CPS1: variants seen among roughly 807,000 people sequenced by gnomAD.
CPS1 encodes carbamoyl-phosphate synthase 1.
In CPS1, 109 loss-of-function variants were observed where a neutral mutation model predicts 174.6. The observed-to-expected ratio is 0.62, with a 90% confidence interval of 0.53 to 0.73. The LOEUF is 0.73. Among genes scored for constraint, CPS1 ranks in the 30% least tolerant of loss-of-function variants. CPS1 has a pLI of 0.00. For missense variants in CPS1, 1,689 were observed against 1,821.9 expected, an observed-to-expected ratio of 0.93 and a Z score of 1.33; for synonymous variants, 637 against 632.0, an observed-to-expected ratio of 1.01 and a Z score of -0.12.
chr2:210,614,016 A>G (rs971495374), intron 20 of CPS1, among the ~76,000 whole-genome samples: 1 of 151,928 alleles, frequency 6.6e-6, no homozygotes, highest in Non-Finnish European at 1.5e-5. Context: ...GCTTGCTTTC[A>G]TGAGTCTTAG....
chr2:210,481,782 T>C (rs1322492956), intron 1 of CPS1, among the ~76,000 whole-genome samples: 1 of 152,254 alleles, frequency 6.6e-6, no homozygotes, highest in Non-Finnish European at 1.5e-5. Flanking sequence ...GTAAGTAGAA[T>C]GTAGTTCATA....
chr2:210,637,635 T>C, intron 21 of CPS1, 67 bp from the exon 22 acceptor site: 16 of 1,549,592 alleles, frequency 1.0e-5, no homozygotes, highest in Non-Finnish European at 1.4e-5. Flanking sequence ...TTCTTGAAAT[T>C]GAACTTGTCA....
intron 21 of CPS1, among the ~76,000 whole-genome samples, chr2:210,630,088 A>G (rs1326184648): frequency 2.4e-5 from 3 of 124,718 alleles, no homozygotes; most frequent in Non-Finnish European, 5.6e-5. Context: ...ACAAAAAAAC[A>G]AAACAAAAAA....
At chr2:210,556,994 T>A (rs1463122728) in intron 1 of CPS1, 135 bp downstream of exon 1, 1 of 1,042,770 alleles carries the variant, frequency 9.6e-7, no homozygotes, top group Non-Finnish European at 1.5e-6. Context: ...TTTCCTTTAC[T>A]GTGGAACCTA....
At chr2:210,549,778 T>G (rs1308454680) in intron 1 of CPS1, among the ~76,000 whole-genome samples, 1 of 152,024 alleles carries the variant, frequency 6.6e-6, no homozygotes, top group African/African-American at 2.4e-5. Context: ...GGTTTTCAAT[T>G]TTCTACAAAA....
intron 1 of CPS1, among the ~76,000 whole-genome samples, chr2:210,499,347 T>G (rs1287731851): frequency 6.6e-6 from 1 of 152,158 alleles, no homozygotes; most frequent in Non-Finnish European, 1.5e-5. Context: ...AAGCTGGTCC[T>G]GGCTGCAAGT....
chr2:210,577,409 C>CT lies in CPS1; in HGVS notation c.382-11dup. On this transcript the variant is annotated splice_polypyrimidine_tract_variant and intron_variant, in intron 3 of 37. Coordinates refer to ENST00000233072, the MANE Select transcript of CPS1 (RefSeq NM_001875.5). ...GTGATAACCTCTTTAAAATGACTGTCTGTCTTTCTAGGTTTCAGGTTTGCT... is the reference window on the plus strand; with the variant it reads ...GTGATAACCTCTTTAAAATGACTGTCTTGTCTTTCTAGGTTTCAGGTTTGCT... 1 of 1,601,952 alleles carries CT rather than the reference C, an allele frequency of 6.2e-7. No homozygotes were observed. The highest frequency in any genetic ancestry group is 8.6e-7 in the Non-Finnish European group (1 of 1,169,092).
At chr2:210,654,197 C>T in intron 29 of CPS1, 95 bp downstream of exon 29, 1 of 1,129,152 alleles carries the variant, frequency 8.9e-7, no homozygotes, top group East Asian at 2.4e-5. Flanking sequence ...TTCATAATAT[C>T]TATAAAACAG....
intron 20 of CPS1, among the ~76,000 whole-genome samples, chr2:210,613,105 T>TTG: frequency 6.6e-6 from 1 of 151,878 alleles, no homozygotes; most frequent in African/African-American, 2.4e-5. Context: ...CATTTTATGT[T>TTG]TGTGTGTGTG....
intron 1 of CPS1, among the ~76,000 whole-genome samples, chr2:210,514,760 G>T (rs1437846277): frequency 6.9e-6 from 1 of 144,410 alleles, no homozygotes; most frequent in Non-Finnish European, 1.5e-5. Context: ...TCCTTGTCTT[G>T]TTCCAGTTCT....
chr2:210,644,057 T>C (rs557533356), intron 25 of CPS1, among the ~76,000 whole-genome samples: 3 of 152,218 alleles, frequency 2.0e-5, no homozygotes, highest in African/African-American at 7.2e-5. Context: ...AGCAGGCATT[T>C]TGCATATAAT....
At chr2:210,499,755 G>A (rs952529074) in intron 1 of CPS1, among the ~76,000 whole-genome samples, 1 of 152,120 alleles carries the variant, frequency 6.6e-6, no homozygotes, top group African/African-American at 2.4e-5. Context: ...GTGGAAAGGT[G>A]AGTAGTAGAG....
chr2:210,541,774 G>A (rs982587472), intron 1 of CPS1, among the ~76,000 whole-genome samples: 2 of 152,172 alleles, frequency 1.3e-5, no homozygotes, highest in African/African-American at 4.8e-5. Context: ...CATCCAGACT[G>A]CTTTGTAATG....
intron 1 of CPS1, among the ~76,000 whole-genome samples, chr2:210,509,540 G>A (rs1695392401): frequency 6.6e-6 from 1 of 152,146 alleles, no homozygotes; most frequent in Non-Finnish European, 1.5e-5. Context: ...GGGCAATCAG[G>A]CAGGAGAAGG....
At chr2:210,611,430 T>C (rs1278634123) in intron 19 of CPS1, among the ~76,000 whole-genome samples, 1 of 151,952 alleles carries the variant, frequency 6.6e-6, no homozygotes, top group African/African-American at 2.4e-5. Context: ...CTGGGTAGGT[T>C]GCAAGATCAA....
intron 27 of CPS1, 69 bp from the exon 28 acceptor site, chr2:210,650,294 G>A: frequency 7.7e-7 from 1 of 1,296,274 alleles, no homozygotes; most frequent in Non-Finnish European, 1.1e-6. Flanking sequence ...GTCTGGAACT[G>A]TTCTGAGAAC....
intron 28 of CPS1, among the ~76,000 whole-genome samples, chr2:210,653,496 T>G (rs768961910): frequency 6.6e-6 from 1 of 152,154 alleles, no homozygotes; most frequent in Non-Finnish European, 1.5e-5. Flanking sequence ...ATAAGACAAA[T>G]CAACTCGAGG....
intron 1 of CPS1, among the ~76,000 whole-genome samples, chr2:210,498,106 A>G (rs1695048050): frequency 6.6e-6 from 1 of 151,556 alleles, no homozygotes; most frequent in African/African-American, 2.4e-5. Flanking sequence ...AATAACGGCC[A>G]TTCTTACTGG....
chr2:210,668,424 C>T, intron 34 of CPS1, 140 bp downstream of exon 34: 1 of 721,418 alleles, frequency 1.4e-6, no homozygotes, highest in Non-Finnish European at 2.5e-6. Flanking sequence ...GAAGAAGGGA[C>T]ATTTGTTCTC....
Sources: allele counts gnomAD v4.1 joint callset (sites outside exome capture counted in the v4.1 genomes callset), GRCh38; gene constraint gnomAD v4.1.1; transcripts MANE v1.5; gene names NCBI Gene and HGNC (gene_info 2026-07-23, HGNC 2026-07-21).